The following BAZ1A variants were observed in gnomAD, a reference collection of about 807,000 sequenced individuals.
BAZ1A encodes the protein bromodomain adjacent to zinc finger domain 1A, also known as bromodomain adjacent to zinc finger domain protein 1A.
BAZ1A carries 50 observed loss-of-function variants against 185.2 expected under a neutral mutation model. The observed-to-expected ratio is 0.27, with a 90% confidence interval of 0.22 to 0.34. The LOEUF is 0.34. Ranked by LOEUF, BAZ1A falls within the 10% of genes least tolerant of loss-of-function variation. BAZ1A has a pLI of 1.00. For missense variants in BAZ1A, 1,356 were observed against 1,839.9 expected, an observed-to-expected ratio of 0.74 and a Z score of 4.81; for synonymous variants, 571 against 615.6, an observed-to-expected ratio of 0.93 and a Z score of 1.07.
chr14:34,765,002 G>T lies in BAZ1A; in HGVS notation c.3549+19C>A. The T allele has an allele frequency of 6.2e-7, 1 of 1,613,194 alleles. No individual in the cohort carries two copies. Among genetic ancestry groups the T allele is most frequent in the Middle Eastern group, 1.7e-4 (1 of 6,054 alleles). On this transcript the variant is annotated intron_variant, in intron 22 of 26. Coordinates refer to ENST00000360310, the MANE Select transcript of BAZ1A (RefSeq NM_013448.3). ...AATCTTAATGTCTCATTTCTAATCT[G>T]ATAAGAAGAAAAAAATACCTTGAGC... is the stretch of plus-strand genomic sequence containing the variant.
intron 17 of BAZ1A, among the ~76,000 whole-genome samples, chr14:34,777,046 T>C (rs1388872017): frequency 1.3e-5 from 2 of 152,224 alleles, no homozygotes; most frequent in Non-Finnish European, 2.9e-5. Context: ...GTCATTTCCA[T>C]ACTGGAGAGT....
chr14:34,848,151 T>C (rs1031550148), intron 3 of BAZ1A, among the ~76,000 whole-genome samples: 1 of 152,096 alleles, frequency 6.6e-6, no homozygotes, highest in African/African-American at 2.4e-5. Flanking sequence ...CATGAGTCAT[T>C]GCACCCAGCT....
chr14:34,791,156 G>GAGAAA (rs1880823419), intron 12 of BAZ1A, among the ~76,000 whole-genome samples: 1 of 151,842 alleles, frequency 6.6e-6, no homozygotes, highest in South Asian at 2.1e-4. Context: ...GAAAAGAGAA[G>GAGAAA]AGAAGAGAGT....
chr14:34,842,406 A>C (rs939008886), intron 3 of BAZ1A, among the ~76,000 whole-genome samples: 7 of 152,190 alleles, frequency 4.6e-5, no homozygotes, highest in African/African-American at 1.7e-4. Context: ...GTACGCAAGT[A>C]AAATAATGAA....
rs1432217679 is a variant in BAZ1A, at chr14:34,875,219, C to G, written c.-140G>C. ...GAGACCCCGTCCTCCCAGGGGACCG[C>G]CTCTCTCCGGCCCCGCCGCGCCCCT... On this transcript the variant is annotated 5_prime_UTR_variant, in exon 1 of 27. Coordinates refer to ENST00000360310, the MANE Select transcript of BAZ1A (RefSeq NM_013448.3). The G allele has an allele frequency of 2.2e-6, 1 of 451,366 alleles. No individual in the cohort carries two copies. Among genetic ancestry groups the G allele is most frequent in the Non-Finnish European group, 4.4e-6 (1 of 225,084 alleles). 28.0% of individuals were successfully genotyped at this position (451,366 alleles called of 1,614,324 possible). A position where few individuals can be genotyped will look rare whatever the true frequency, so the allele number is the denominator to read the frequency against.
intron 14 of BAZ1A, 50 bp from the exon 15 acceptor site, chr14:34,783,977 CTG>C (rs1880233340): frequency 1.3e-6 from 2 of 1,496,304 alleles, no homozygotes; most frequent in African/African-American, 1.4e-5. Context: ...AGCAAATGAA[CTG>C]TGTTTGAACT....
At chr14:34,863,868 A>G (rs1339271884) in intron 2 of BAZ1A, among the ~76,000 whole-genome samples, 3 of 151,634 alleles carry the variant, frequency 2.0e-5, no homozygotes, top group African/African-American at 7.3e-5. Context: ...CTTTTTTAAG[A>G]GAGTCTCACT....
Position 34,753,302 on chromosome 14 carries a change from T to A in BAZ1A, c.*206A>T. 1 of 551,160 alleles carries A rather than the reference T, an allele frequency of 1.8e-6. No individual in the cohort carries two copies. Among genetic ancestry groups the A allele is most frequent in the East Asian group, 2.9e-5 (1 of 33,926 alleles). The allele number at this position is 551,160 out of a possible 1,614,324, so 34.1% of individuals were successfully genotyped here. ...ACCAGTACTGTATCCAATACATCTA[T>A]CAAACTTATTAGATACTGAACAAAA... On this transcript the variant is annotated 3_prime_UTR_variant, in exon 27 of 27. Transcript: ENST00000360310.
Position 34,754,426 on chromosome 14 carries a change from AAAAAAAG to A in BAZ1A, c.4474+394_4474+400del, listed in dbSNP as rs1555336277. On this transcript the variant is annotated intron_variant, in intron 26 of 26. Coordinates refer to ENST00000360310, the MANE Select transcript of BAZ1A (RefSeq NM_013448.3). ...AGAGTGAGACGTATCTCAAAAAAAA[AAAAAAAG>A]AAAAAAGAAAAAGAAGAAAGAAAAA... Among the ~76,000 whole-genome samples, 24 of 122,912 alleles carry A rather than the reference AAAAAAAG, an allele frequency of 2.0e-4. No individual in the cohort carries two copies. The East Asian group carries it at 4.7e-3, about 24-fold the overall frequency. The allele number at this position is 122,912 out of a possible 152,430, so 80.6% of individuals were successfully genotyped here.
Position 34,834,587 on chromosome 14 carries a change from A to T in BAZ1A, c.393-8431T>A, listed in dbSNP as rs375357608. Among the ~76,000 whole-genome samples, 26 of 152,358 alleles carry T rather than the reference A, an allele frequency of 1.7e-4. No individual in the cohort carries two copies. In the Middle Eastern group the frequency reaches 0.01, roughly 60 times the overall value. ...GTAAATTATATAAATTGTAGTAATT[A>T]TTGTCAATGCTACTATTGACTTTGT... On this transcript the variant is annotated intron_variant, in intron 3 of 26. Coordinates refer to ENST00000360310, the MANE Select transcript of BAZ1A (RefSeq NM_013448.3).
intron 3 of BAZ1A, among the ~76,000 whole-genome samples, chr14:34,852,031 G>A (rs2042605291): frequency 6.6e-6 from 1 of 152,134 alleles, no homozygotes; most frequent in Non-Finnish European, 1.5e-5. Flanking sequence ...GGAGGCTGGG[G>A]CAGGAGAATG....
intron 24 of BAZ1A, among the ~76,000 whole-genome samples, chr14:34,759,183 T>TTTTTTGTTTTTTTG (rs1886407074): frequency 8.3e-6 from 1 of 120,962 alleles, no homozygotes; most frequent in East Asian, 2.4e-4. Context: ...TTTTTTTTTT[T>TTTTTTGTTTTTTTG]TTTTTTTTTT....
At chr14:34,753,740 A>G (rs1431755771) in intron 26 of BAZ1A, 36 bp from the exon 27 acceptor site, 1 of 1,447,424 alleles carries the variant, frequency 6.9e-7, no homozygotes, top group Admixed American at 2.3e-5. Flanking sequence ...TTAGAATGAA[A>G]GTACATAAAT....
chr14:34,769,472 A>G (rs1879066612), intron 21 of BAZ1A, among the ~76,000 whole-genome samples: 1 of 152,198 alleles, frequency 6.6e-6, no homozygotes. Context: ...CTGTATACAA[A>G]CCAGCATAAG....
At position 34,774,449 on chromosome 14, in the gene BAZ1A, T is replaced by G. The variant is rs779048338; in HGVS notation, c.2875A>C (p.Arg959=). Residue 959 remains arginine, a synonymous_variant, in exon 19 of 27, where the codon AGA becomes CGA. Transcript: ENST00000360310. ...GATGGATCATATGCATTGGAAGATCTTCCCCGACTATATGTTGGTTTGCTA... is the reference window on the plus strand; with the variant it reads ...GATGGATCATATGCATTGGAAGATCGTCCCCGACTATATGTTGGTTTGCTA... ...PDSKPTYSRG[R]SSNAYDPSQM... is the part of the protein sequence containing the mutation. 1.2e-6 allele frequency: 2 copies of G among 1,610,806 alleles called. No homozygotes were observed. Among genetic ancestry groups the G allele is most frequent in the Non-Finnish European group, 1.7e-6 (2 of 1,178,636 alleles).
intron 2 of BAZ1A, among the ~76,000 whole-genome samples, chr14:34,863,443 G>A (rs1313847677): frequency 1.3e-5 from 2 of 151,968 alleles, no homozygotes; most frequent in East Asian, 3.9e-4. Context: ...GATTACAGGT[G>A]TGAGCCACCG....
chr14:34,793,764 G>A (rs1881013223), intron 11 of BAZ1A, among the ~76,000 whole-genome samples: 1 of 152,162 alleles, frequency 6.6e-6, no homozygotes, highest in South Asian at 2.1e-4. Context: ...CCAAAATGGT[G>A]AAACCCTGTC....
chr14:34,855,285 C>A (rs1044609430), intron 3 of BAZ1A, among the ~76,000 whole-genome samples: 4 of 152,164 alleles, frequency 2.6e-5, no homozygotes, highest in African/African-American at 9.7e-5. Context: ...CACTCACAGG[C>A]AGCAAACTGT....
rs541683224 is a variant in BAZ1A at position 34,753,533 on chromosome 14, G to T, written c.4646C>A (p.Pro1549Gln). 6.2e-7 allele frequency: 1 copy of T among 1,613,954 alleles called. No individual in the cohort carries two copies. The highest frequency in any genetic ancestry group is 8.5e-7 in the Non-Finnish European group (1 of 1,179,968). Reference sequence around the variant, plus strand: ...TCAGATTCGTGACTTTTTCGCAGCCGGTGGTGTGCTAACTTGGTCCACATT... The same window carrying T: ...TCAGATTCGTGACTTTTTCGCAGCCTGTGGTGTGCTAACTTGGTCCACATT... ...PSNVDQVSTP[P>Q]AAKKSRI Residue 1549 changes from proline (P) to glutamine (Q), a missense_variant, in exon 27 of 27, where the codon CCG becomes CAG. Transcript: ENST00000360310.
Sources: allele counts gnomAD v4.1 joint callset (sites outside exome capture counted in the v4.1 genomes callset), GRCh38; gene constraint gnomAD v4.1.1; transcripts MANE v1.5; gene names NCBI Gene and HGNC (gene_info 2026-07-23, HGNC 2026-07-21).